The following SLC71A1 variants were observed in gnomAD, a reference collection of about 807,000 sequenced individuals.
SLC71A1 encodes solute carrier family 71 member 1.
chr1:100,039,935 G>C, the SLC71A1 span, among the ~76,000 whole-genome samples: 41 of 152,174 alleles, frequency 2.7e-4, no homozygotes, highest in Non-Finnish European at 5.7e-4. Flanking sequence ...GGAAAAGATC[G>C]TTTTTAAACT....
chr1:100,049,015 C>T, the SLC71A1 span, among the ~76,000 whole-genome samples: 1 of 152,164 alleles, frequency 6.6e-6, no homozygotes, highest in Non-Finnish European at 1.5e-5. Context: ...AATCCTTAAT[C>T]CGTTCCCTCC....
At chr1:100,048,501 T>C in the SLC71A1 span, among the ~76,000 whole-genome samples, 1 of 152,152 alleles carries the variant, frequency 6.6e-6, no homozygotes, top group Non-Finnish European at 1.5e-5. Context: ...TTTTTTGACC[T>C]TATATTACTA....
the SLC71A1 span, among the ~76,000 whole-genome samples, chr1:100,042,574 A>G: frequency 8.5e-5 from 13 of 152,090 alleles, no homozygotes; most frequent in African/African-American, 2.4e-4. Context: ...CATGCAAGCA[A>G]TAAGAAGGGC....
At chr1:100,066,795 T>C in the SLC71A1 span, among the ~76,000 whole-genome samples, 6 of 151,736 alleles carry the variant, frequency 4.0e-5, no homozygotes, top group East Asian at 3.9e-4. Context: ...CGAGACCATC[T>C]TGGCTAACAC....
chr1:100,039,017 T>C, the SLC71A1 span, among the ~76,000 whole-genome samples: 2 of 152,222 alleles, frequency 1.3e-5, no homozygotes. Context: ...AGTCATGGCC[T>C]AAGGATCGGA....
the SLC71A1 span, among the ~76,000 whole-genome samples, chr1:100,063,300 CA>C: frequency 1.3e-4 from 16 of 125,026 alleles, no homozygotes; most frequent in African/African-American, 5.9e-4. Context: ...CAAAACAAAA[CA>C]AAAAACACTG....
the SLC71A1 span, among the ~76,000 whole-genome samples, chr1:100,069,411 A>T: frequency 6.6e-6 from 1 of 152,212 alleles, no homozygotes; most frequent in Non-Finnish European, 1.5e-5. Flanking sequence ...GTATATCCAC[A>T]TTGAGGGACC....
chr1:100,071,778 G>A, the SLC71A1 span, among the ~76,000 whole-genome samples: 6 of 152,314 alleles, frequency 3.9e-5, no homozygotes, highest in East Asian at 9.6e-4. Flanking sequence ...GATGAGTGGA[G>A]GGTGCTTTTG....
chr1:100,050,597 A>G, the SLC71A1 span, among the ~76,000 whole-genome samples: 2 of 152,216 alleles, frequency 1.3e-5, no homozygotes, highest in Non-Finnish European at 2.9e-5. Context: ...TGAAAGGAGT[A>G]ATTATGATAA....
At chr1:100,076,809 C>G in the SLC71A1 span, among the ~76,000 whole-genome samples, 3 of 152,156 alleles carry the variant, frequency 2.0e-5, no homozygotes, top group African/African-American at 7.2e-5. Flanking sequence ...GCATTTTAGA[C>G]TAACTTGGAC....
the SLC71A1 span, among the ~76,000 whole-genome samples, chr1:100,075,639 A>C: frequency 6.6e-6 from 1 of 152,166 alleles, no homozygotes; most frequent in African/African-American, 2.4e-5. Context: ...AATCATTTCT[A>C]ATCTTTCTGA....
chr1:100,059,820 A>G, the SLC71A1 span: 85 of 1,443,990 alleles, frequency 5.9e-5, no homozygotes, highest in Non-Finnish European at 7.4e-5. Flanking sequence ...AAAATGATTT[A>G]TTTTTGGTTC....
At chr1:100,059,851 T>C in the SLC71A1 span, 5 of 1,579,894 alleles carry the variant, frequency 3.2e-6, no homozygotes, top group Non-Finnish European at 4.3e-6. Context: ...ATGTGTGGTA[T>C]TCATTTTTTT....
At chr1:100,068,404 G>A in the SLC71A1 span, 430,120 of 1,092,480 alleles carry the variant, frequency 0.39, 91,042 homozygotes, top group East Asian at 0.62. Flanking sequence ...GAATCTCTGC[G>A]TATTCTTAAG....
the SLC71A1 span, among the ~76,000 whole-genome samples, chr1:100,055,794 C>A: frequency 0.048 from 7,360 of 152,142 alleles, 204 homozygotes; most frequent in African/African-American, 0.068. Flanking sequence ...TGCTCTGTCA[C>A]CAGGCTGGAG....
At chr1:100,054,299 C>T in the SLC71A1 span, among the ~76,000 whole-genome samples, 3 of 152,036 alleles carry the variant, frequency 2.0e-5, no homozygotes, top group East Asian at 3.9e-4. Context: ...CTGCAACCTT[C>T]GCCTCCCAGG....
chr1:100,050,190 G>T, the SLC71A1 span, among the ~76,000 whole-genome samples: 1 of 152,038 alleles, frequency 6.6e-6, no homozygotes, highest in South Asian at 2.1e-4. Context: ...TTGGGAGGGG[G>T]GTGGCGTGGA....
chr1:100,053,174 A>T, the SLC71A1 span, among the ~76,000 whole-genome samples: 2 of 152,188 alleles, frequency 1.3e-5, no homozygotes, highest in African/African-American at 2.4e-5. Context: ...TGGGCTTTTT[A>T]AAAAGGTTTT....
chr1:100,068,671 A>G, the SLC71A1 span: 2 of 829,416 alleles, frequency 2.4e-6, no homozygotes, highest in South Asian at 3.1e-5. Flanking sequence ...GAACTGTAAT[A>G]GAAGTGGCCT....
Sources: gnomAD v4.1 joint callset for allele counts (sites outside exome capture counted in the v4.1 genomes callset) on GRCh38, gnomAD v4.1.1 for gene constraint, MANE v1.5 for transcripts, NCBI Gene and HGNC (gene_info 2026-07-23, HGNC 2026-07-21) for gene names.